MCC: variants seen among roughly 807,000 people sequenced by gnomAD.
MCC encodes colorectal mutant cancer protein.
Under a neutral mutation model 116.2 loss-of-function variants are expected in MCC, and 90 were observed. That is an observed-to-expected ratio of 0.77 (90% CI 0.65 to 0.92). MCC has a LOEUF of 0.92. MCC is among the 40% of genes least tolerant of loss of function. MCC has a pLI of 0.00. For synonymous variants in MCC, 578 were observed against 510.5 expected, an observed-to-expected ratio of 1.13 and a Z score of -1.78; for missense variants, 1,516 against 1,312.2, an observed-to-expected ratio of 1.16 and a Z score of -2.40.
At chr5:113,043,178 G>T (rs1751839991) in intron 17 of MCC, among the ~76,000 whole-genome samples, 1 of 152,170 alleles carries the variant, frequency 6.6e-6, no homozygotes, top group Non-Finnish European at 1.5e-5. Flanking sequence ...CTGAAGGAAA[G>T]TATTCCTGCT....
At chr5:113,130,645 T>A (rs528628285) in intron 5 of MCC, among the ~76,000 whole-genome samples, 147 of 152,216 alleles carry the variant, frequency 9.7e-4, no homozygotes, top group Non-Finnish European at 1.5e-3. Context: ...TTGCCCTTCC[T>A]TGTGGGTGAG....
Position 113,451,109 on chromosome 5 carries a change from C to T in MCC, c.170+37136G>A, listed in dbSNP as rs1003424409. On this transcript the variant is annotated intron_variant, in intron 1 of 18. Coordinates refer to ENST00000408903, the MANE Select transcript of MCC (RefSeq NM_001085377.2). ...CAGTTTGGTCTCTGTAAGCAGAATT[C>T]AGGAAGTAAAATAAGAACCCATAGC... Among the ~76,000 whole-genome samples, 16 of 152,036 alleles carry T rather than the reference C, an allele frequency of 1.1e-4. 1 individual carries two copies. The highest frequency in any genetic ancestry group is 3.6e-4 in the African/African-American group (15 of 41,398).
At chr5:113,062,828 C>T (rs1370274191) in intron 14 of MCC, among the ~76,000 whole-genome samples, 7 of 152,158 alleles carry the variant, frequency 4.6e-5, no homozygotes, top group South Asian at 2.1e-4. Flanking sequence ...TAAATGGAAG[C>T]GCTAAGGTAG....
intron 14 of MCC, among the ~76,000 whole-genome samples, chr5:113,059,413 CACAG>C (rs1214995121): frequency 6.6e-6 from 1 of 152,194 alleles, no homozygotes; most frequent in Non-Finnish European, 1.5e-5. Flanking sequence ...TCTCTGGCCT[CACAG>C]ACAAAGGCGC....
chr5:113,289,746 C>T (rs1766411417), intron 3 of MCC, among the ~76,000 whole-genome samples: 1 of 152,208 alleles, frequency 6.6e-6, no homozygotes, highest in African/African-American at 2.4e-5. Flanking sequence ...GCTCTAGTCA[C>T]TGACACAAGT....
chr5:113,241,911 TAG>T (rs1764382146), intron 3 of MCC, among the ~76,000 whole-genome samples: 1 of 152,182 alleles, frequency 6.6e-6, no homozygotes. Flanking sequence ...GCTATTCCCA[TAG>T]AGCTTCAAAT....
chr5:113,447,659 T>G (rs963420251), intron 1 of MCC, among the ~76,000 whole-genome samples: 1 of 152,236 alleles, frequency 6.6e-6, no homozygotes, highest in Non-Finnish European at 1.5e-5. Flanking sequence ...AGATTTATCT[T>G]TTTTTAAAAA....
intron 3 of MCC, among the ~76,000 whole-genome samples, chr5:113,206,437 G>A (rs115166182): frequency 0.025 from 3,776 of 152,166 alleles, 91 homozygotes; most frequent in African/African-American, 0.06. Context: ...TTTTCGGGCC[G>A]GGCCCAGTAG....
At position 113,101,844 on chromosome 5, in the gene MCC, C is replaced by T. The variant is rs763761398; in HGVS notation, c.1293G>A (p.Glu431=). ...WEKELAGLRE[E]NESLTAMLCS... ...ACAGCATGGCAGTCAGGCTCTCATT[C>T]TCTTCCCTCAGCCCAGCCAGCTCCT... Residue 431 remains glutamate, a synonymous_variant, in exon 8 of 19, where the codon GAG becomes GAA. Transcript: ENST00000408903. 1.2e-6 allele frequency: 2 copies of T among 1,613,614 alleles called. No homozygotes were observed. The highest frequency in any genetic ancestry group is 2.7e-5 in the African/African-American group (2 of 74,916).
chr5:113,424,065 A>G (rs930439074), intron 1 of MCC, among the ~76,000 whole-genome samples: 1 of 150,572 alleles, frequency 6.6e-6, no homozygotes, highest in African/African-American at 2.4e-5. Flanking sequence ...GGAGGGAAGA[A>G]TCTCTCAGTG....
intron 1 of MCC, among the ~76,000 whole-genome samples, chr5:113,390,053 G>A (rs894965343): frequency 6.6e-6 from 1 of 152,142 alleles, no homozygotes; most frequent in Non-Finnish European, 1.5e-5. Context: ...TAGTCCAGCA[G>A]AGAACTATAT....
chr5:113,381,920 G>A (rs901122288), intron 2 of MCC, among the ~76,000 whole-genome samples: 1 of 152,204 alleles, frequency 6.6e-6, no homozygotes, highest in Non-Finnish European at 1.5e-5. Context: ...AGGAGAACAT[G>A]GTGTCAAGAA....
chr5:113,106,410 A>G (rs1756734865), intron 6 of MCC, among the ~76,000 whole-genome samples: 2 of 149,936 alleles, frequency 1.3e-5, no homozygotes, highest in African/African-American at 4.9e-5. Context: ...CCCCTCATTC[A>G]CTATGCTCCA....
intron 3 of MCC, among the ~76,000 whole-genome samples, chr5:113,285,790 T>C (rs1417612641): frequency 2.6e-5 from 4 of 152,212 alleles, no homozygotes; most frequent in East Asian, 1.9e-4. Flanking sequence ...GTAGGATGCA[T>C]AGAACAGGGA....
At position 113,064,096 on chromosome 5, in the gene MCC, T is replaced by C; in HGVS notation, c.2101A>G (p.Asn701Asp). Reference protein sequence around the residue: ...RAHDCRKTAENAAKALLMKLD... With the variant: ...RAHDCRKTAEDAAKALLMKLD... ...TTCATGAGCAGGGCCTTGGCAGCGT[T>C]CTCAGCTGTCTTCCGGCAGTCATGA... The change falls in exon 14 of 19, where the codon AAC (asparagine) becomes GAC (aspartate). Residue 701 changes from asparagine to aspartate, a missense_variant. By Grantham distance (23) the Asn-to-Asp change is conservative. Transcript: ENST00000408903. 1.2e-6 allele frequency: 2 copies of C among 1,614,206 alleles called. No homozygotes were observed. Among genetic ancestry groups the C allele is most frequent in the Non-Finnish European group, 1.7e-6 (2 of 1,180,012 alleles).
At chr5:113,100,602 G>C (rs1756344646) in intron 8 of MCC, among the ~76,000 whole-genome samples, 2 of 149,092 alleles carry the variant, frequency 1.3e-5, no homozygotes, top group South Asian at 4.3e-4. Flanking sequence ...CTCTCAAGTA[G>C]CTGGGACTAC....
At chr5:113,079,194 A>G (rs907757173) in intron 11 of MCC, among the ~76,000 whole-genome samples, 6 of 152,234 alleles carry the variant, frequency 3.9e-5, no homozygotes, top group Non-Finnish European at 7.3e-5. Flanking sequence ...ATGCTCATGG[A>G]TAGGAAGAAT....
chr5:113,487,630 GC>G (rs1772573951), intron 1 of MCC, among the ~76,000 whole-genome samples: 1 of 152,250 alleles, frequency 6.6e-6, no homozygotes, highest in African/African-American at 2.4e-5. Context: ...GTCGGGTCTA[GC>G]CCTAGTTTGC....
chr5:113,295,949 A>G (rs1766698044), intron 3 of MCC, among the ~76,000 whole-genome samples: 1 of 152,182 alleles, frequency 6.6e-6, no homozygotes, highest in South Asian at 2.1e-4. Context: ...TTGTATTGTC[A>G]ACTTCCATGG....
Sources: allele counts gnomAD v4.1 joint callset (sites outside exome capture counted in the v4.1 genomes callset), GRCh38; gene constraint gnomAD v4.1.1; transcripts MANE v1.5; gene names NCBI Gene and HGNC (gene_info 2026-07-23, HGNC 2026-07-21).